Variants in PVT1 observed in about 807,000 individuals in gnomAD.
PVT1 encodes the protein CXCR4/PVT1 fusion.
At chr8:127,991,639 G>C (rs752080729) in intron 4 of PVT1, among the ~76,000 whole-genome samples, 1 of 152,150 alleles carries the variant, frequency 6.6e-6, no homozygotes, top group Admixed American at 6.5e-5. Flanking sequence ...GGTCTGTCTC[G>C]GGGTGGGGTG....
chr8:127,944,118 A>T (rs755300752), intron 3 of PVT1, among the ~76,000 whole-genome samples: 3 of 152,146 alleles, frequency 2.0e-5, no homozygotes, highest in African/African-American at 7.2e-5. Context: ...TTTTAAAGAG[A>T]TGGGGGTGGC....
At chr8:127,942,819 CTT>C (rs1396954952) in intron 3 of PVT1, among the ~76,000 whole-genome samples, 1 of 152,164 alleles carries the variant, frequency 6.6e-6, no homozygotes. Flanking sequence ...CCTGGGTACT[CTT>C]TAGGTAGTGG....
chr8:128,054,522 G>A (rs1465142405), intron 4 of PVT1, among the ~76,000 whole-genome samples: 2 of 152,154 alleles, frequency 1.3e-5, no homozygotes, highest in Non-Finnish European at 2.9e-5. Context: ...CTTCCTAATT[G>A]TTGCCATCCT....
chr8:127,838,320 C>T (rs1814931417), intron 2 of PVT1, among the ~76,000 whole-genome samples: 1 of 152,144 alleles, frequency 6.6e-6, no homozygotes, highest in Non-Finnish European at 1.5e-5. Context: ...TGGACAGATA[C>T]TGGTAATGGA....
chr8:128,036,402 C>A (rs894105695), intron 4 of PVT1, among the ~76,000 whole-genome samples: 1 of 152,200 alleles, frequency 6.6e-6, no homozygotes. Flanking sequence ...CAGGAAGGCA[C>A]TGGATGCTGG....
chr8:127,832,727 G>A (rs913629106), intron 2 of PVT1, among the ~76,000 whole-genome samples: 5 of 152,068 alleles, frequency 3.3e-5, no homozygotes, highest in South Asian at 2.1e-4. Flanking sequence ...GCGTGGTGGC[G>A]GGTGCCTGTA....
At chr8:128,032,836 A>G (rs1376388827) in intron 4 of PVT1, among the ~76,000 whole-genome samples, 2 of 152,220 alleles carry the variant, frequency 1.3e-5, no homozygotes, top group African/African-American at 4.8e-5. Flanking sequence ...TGAAAAGCAC[A>G]GAGCAAGACA....
chr8:127,890,344 G>A (rs1336204721), intron 2 of PVT1, among the ~76,000 whole-genome samples: 1 of 152,228 alleles, frequency 6.6e-6, no homozygotes, highest in Non-Finnish European at 1.5e-5. Context: ...CTCTCAGGGT[G>A]CTCCTGAGGC....
intron 2 of PVT1, among the ~76,000 whole-genome samples, chr8:127,860,025 G>A (rs933766547): frequency 2.6e-5 from 4 of 152,128 alleles, no homozygotes; most frequent in African/African-American, 4.8e-5. Context: ...CCTTTCACAC[G>A]GACCCCGTGA....
intron 4 of PVT1, among the ~76,000 whole-genome samples, chr8:128,038,249 T>C (rs189850529): frequency 1.1e-3 from 163 of 152,294 alleles, no homozygotes; most frequent in African/African-American, 3.7e-3. Flanking sequence ...TTGGATCAAA[T>C]GTTGATGGAA....
chr8:127,991,143 T>C (rs1358902219), intron 4 of PVT1, among the ~76,000 whole-genome samples: 77 of 73,516 alleles, frequency 1.0e-3, no homozygotes, highest in African/African-American at 4.4e-3. Flanking sequence ...TTTCTTTCTT[T>C]TTTTTTTTTT....
chr8:128,039,158 T>A (rs1003371574), intron 4 of PVT1, among the ~76,000 whole-genome samples: 2 of 152,204 alleles, frequency 1.3e-5, no homozygotes, highest in African/African-American at 2.4e-5. Flanking sequence ...TGTGAGTCAA[T>A]GACTGTTGCC....
intron 3 of PVT1, among the ~76,000 whole-genome samples, chr8:127,935,722 G>A (rs1816264926): frequency 6.6e-6 from 1 of 151,520 alleles, no homozygotes. Context: ...CTGTAAAATG[G>A]GACAGTATGT....
At chr8:127,812,907 A>G (rs1814614650) in intron 2 of PVT1, among the ~76,000 whole-genome samples, 1 of 152,094 alleles carries the variant, frequency 6.6e-6, no homozygotes, top group South Asian at 2.1e-4. Flanking sequence ...AACAAGAGGA[A>G]CTATAGATTT....
chr8:127,911,862 G>A (rs747604083), intron 3 of PVT1, among the ~76,000 whole-genome samples: 58 of 152,346 alleles, frequency 3.8e-4, no homozygotes, highest in African/African-American at 9.4e-4. Flanking sequence ...TATCTTAGGC[G>A]ATGGCCAAAA....
At chr8:128,025,645 C>T (rs187726222) in intron 4 of PVT1, among the ~76,000 whole-genome samples, 6 of 152,206 alleles carry the variant, frequency 3.9e-5, no homozygotes, top group Non-Finnish European at 1.5e-5. Flanking sequence ...ATACAGCTCC[C>T]TTCCTGTTGG....
At chr8:128,058,378 ATGTGTGTGTGTGTGTGTG>A (rs3041914) in intron 4 of PVT1, among the ~76,000 whole-genome samples, 1 of 146,578 alleles carries the variant, frequency 6.8e-6, no homozygotes, top group Non-Finnish European at 1.5e-5. Flanking sequence ...AAACTGATGC[ATGTGTGTGTGTGTGTGTG>A]TGTGTGTGTG....
chr8:127,854,339 A>G (rs1397811764), intron 2 of PVT1, among the ~76,000 whole-genome samples: 4 of 152,306 alleles, frequency 2.6e-5, no homozygotes, highest in Admixed American at 2.0e-4. Context: ...GGGCTTGCTC[A>G]TGGCTGCCCT....
chr8:127,996,430 G>T (rs1046282953), intron 4 of PVT1: 8 of 151,706 alleles, frequency 5.3e-5, no homozygotes, highest in African/African-American at 1.9e-4. Flanking sequence ...GGGATGCAGG[G>T]CATCCTGCAT....
Sources: gnomAD v4.1 joint callset for allele counts (sites outside exome capture counted in the v4.1 genomes callset) on GRCh38, gnomAD v4.1.1 for gene constraint, MANE v1.5 for transcripts, NCBI Gene and HGNC (gene_info 2026-07-23, HGNC 2026-07-21) for gene names.